The following IREB2 variants were observed in gnomAD, a reference collection of about 807,000 sequenced individuals.
IREB2 encodes iron responsive element binding protein 2.
A neutral mutation model predicts 118.8 loss-of-function variants in IREB2; 39 were observed. The ratio of observed to expected loss-of-function variants is 0.33; its 90% CI spans 0.25 to 0.43. The LOEUF (loss-of-function observed/expected upper bound fraction) is 0.43. Ranked by LOEUF, IREB2 falls within the 20% of genes least tolerant of loss-of-function variation. The pLI, the probability that IREB2 is intolerant of heterozygous loss-of-function variation, is 1.00. For missense variants in IREB2, 900 were observed against 1,147.3 expected (o/e 0.78, Z 3.11); for synonymous variants, 372 against 392.2 (o/e 0.95, Z 0.61).
intron 2 of IREB2, among the ~76,000 whole-genome samples, chr15:78,456,144 A>G: frequency 6.6e-6 from 1 of 152,184 alleles, no homozygotes. Context: ...TGATTTCAAT[A>G]CAGATTATAT....
intron 1 of IREB2, among the ~76,000 whole-genome samples, chr15:78,439,466 T>A (rs924840): frequency 0.78 from 118,590 of 152,128 alleles, 46,534 homozygotes; most frequent in African/African-American, 0.85. Flanking sequence ...GGTATTCTTA[T>A]CACATTTCAG....
At position 78,441,992 on chromosome 15, in the gene IREB2, T is replaced by G. The variant is rs1171984786; in HGVS notation, c.106+2111T>G. 2.6e-5 allele frequency among the ~76,000 whole-genome samples: 4 copies of G among 152,122 alleles called. No individual in the cohort carries two copies. The East Asian group carries it at 7.7e-4, about 29-fold the overall frequency. On this transcript the variant is annotated intron_variant, in intron 2 of 21. Transcript: ENST00000258886. ...TGTGATCTCAGCTCACTGCTGCCTC[T>G]GCCTCCTGAGTTCAAGCGATTCTCG...
At chr15:78,497,050 A>G in intron 20 of IREB2, 76 bp from the exon 21 acceptor site, 1 of 1,101,290 alleles carries the variant, frequency 9.1e-7, no homozygotes, top group Admixed American at 2.2e-5. Context: ...GCCAAAGTAG[A>G]TTTTTGCCCC....
chr15:78,439,110 A>T (rs2050805070), intron 1 of IREB2, among the ~76,000 whole-genome samples: 2 of 152,080 alleles, frequency 1.3e-5, no homozygotes, highest in African/African-American at 4.8e-5. Context: ...GAATGTTGGG[A>T]GCTGAGGCAC....
chr15:78,438,760 C>G (rs116845104), intron 1 of IREB2: 2 of 283,400 alleles, frequency 7.1e-6, no homozygotes, highest in African/African-American at 2.3e-5. Flanking sequence ...GTTCGGGTCT[C>G]ACGCAGCTAG....
At chr15:78,449,654 A>AG (rs2050990303) in intron 2 of IREB2, among the ~76,000 whole-genome samples, 1 of 152,220 alleles carries the variant, frequency 6.6e-6, no homozygotes. Flanking sequence ...GACATGAAAC[A>AG]GAGTTTGTGA....
At chr15:78,464,335 T>C (rs1467728514) in intron 3 of IREB2, among the ~76,000 whole-genome samples, 1 of 152,228 alleles carries the variant, frequency 6.6e-6, no homozygotes, top group Non-Finnish European at 1.5e-5. Context: ...TTGGAAGAGT[T>C]AACCTTGAGC....
rs758235467 is a variant in IREB2, at chr15:78,463,057, T to G, written c.242T>G (p.Phe81Cys). 37 of 1,608,700 alleles carry G rather than the reference T, an allele frequency of 2.3e-5. No homozygotes were observed. Among genetic ancestry groups the G allele is most frequent in the Non-Finnish European group, 2.8e-5 (33 of 1,178,558 alleles). ...CAAAGCAATGTTGAAGTGCCCTTTT[T>G]CCCTGCCCGTGTTCTTCTTCAAGAT... The part of the protein sequence containing the change: ...TKQSNVEVPF[F>C]PARVLLQDFT... Residue 81 changes from phenylalanine to cysteine, a missense_variant, in exon 3 of 22, where the codon TTC (phenylalanine) becomes TGC (cysteine). By Grantham distance (205) the Phe-to-Cys change is radical (BLOSUM62 -2). Coordinates refer to ENST00000258886, the MANE Select transcript of IREB2 (RefSeq NM_004136.4).
At chr15:78,444,571 T>C (rs1013451772) in intron 2 of IREB2, among the ~76,000 whole-genome samples, 14 of 152,134 alleles carry the variant, frequency 9.2e-5, no homozygotes, top group Admixed American at 1.3e-4. Context: ...GTCCAAATCC[T>C]ACCTTGCAGC....
intron 2 of IREB2, among the ~76,000 whole-genome samples, chr15:78,445,525 A>AG (rs1303601198): frequency 6.6e-6 from 1 of 152,242 alleles, no homozygotes; most frequent in Non-Finnish European, 1.5e-5. Context: ...CCAAAGACAA[A>AG]GGAAGAAAGC....
intron 10 of IREB2, chr15:78,481,723 A>C (rs1446870308): frequency 6.6e-6 from 1 of 150,450 alleles, no homozygotes; most frequent in Non-Finnish European, 1.5e-5. Context: ...ATGGTCTCAA[A>C]CTCTTGACCT....
intron 5 of IREB2, among the ~76,000 whole-genome samples, chr15:78,466,936 G>C (rs1365080068): frequency 6.6e-6 from 1 of 151,956 alleles, no homozygotes; most frequent in Non-Finnish European, 1.5e-5. Flanking sequence ...CTCTATGTTG[G>C]CTGGGCGTAG....
chr15:78,489,170 C>T (rs1186861759), intron 16 of IREB2, among the ~76,000 whole-genome samples: 1 of 151,328 alleles, frequency 6.6e-6, no homozygotes, highest in Non-Finnish European at 1.5e-5. Context: ...TGCGGTGATC[C>T]GAGATCGCGC....
At chr15:78,480,773 G>C (rs1221344172) in intron 10 of IREB2, among the ~76,000 whole-genome samples, 1 of 151,768 alleles carries the variant, frequency 6.6e-6, no homozygotes. Flanking sequence ...ACTTTGGGAG[G>C]CCGAAACAGG....
intron 2 of IREB2, among the ~76,000 whole-genome samples, chr15:78,458,871 C>CA (rs1299134130): frequency 3.9e-5 from 6 of 152,140 alleles, no homozygotes; most frequent in African/African-American, 1.4e-4. Flanking sequence ...AGTGCAGTGG[C>CA]AAGATCAGCC....
chr15:78,440,714 A>G (rs1026893286), intron 2 of IREB2, among the ~76,000 whole-genome samples: 10 of 152,092 alleles, frequency 6.6e-5, no homozygotes, highest in African/African-American at 2.2e-4. Context: ...TCTTTTTGCC[A>G]TCTGTTGAAT....
rs2051700316 is a variant in IREB2, at chr15:78,488,673, T to C, written c.1978T>C (p.Tyr660His). The change falls in exon 16 of 22, where the codon TAC becomes CAC. Residue 660 changes from tyrosine to histidine, a missense_variant. By Grantham distance (83) the Tyr-to-His change is moderately conservative (BLOSUM62 2). Transcript: ENST00000258886. ...LGTDPTGKNI[Y>H]LHDIWPSREE... is the part of the protein sequence containing the mutation. ...TACTGACCCCACCGGCAAGAACATTTACCTGCATGATATTTGGCCTAGTCG... is the reference window on the plus strand; with the variant it reads ...TACTGACCCCACCGGCAAGAACATTCACCTGCATGATATTTGGCCTAGTCG... 1.2e-6 allele frequency: 2 copies of C among 1,612,682 alleles called. No individual in the cohort carries two copies. The highest frequency in any genetic ancestry group is 1.1e-5 in the South Asian group (1 of 90,818).
chr15:78,488,920 A>G, intron 16 of IREB2, 149 bp downstream of exon 16: 1 of 534,154 alleles, frequency 1.9e-6, no homozygotes, highest in Non-Finnish European at 3.1e-6. Context: ...TGGAATCTGT[A>G]GTTAAAAAGA....
chr15:78,438,380 G>C (rs749117384), intron 1 of IREB2, 24 bp downstream of exon 1: 1 of 1,594,042 alleles, frequency 6.3e-7, no homozygotes, highest in Non-Finnish European at 8.5e-7. Flanking sequence ...CTCCGAGCTG[G>C]GTCTGGCAGT....
Sources: gnomAD v4.1 joint callset for allele counts (sites outside exome capture counted in the v4.1 genomes callset) on GRCh38, gnomAD v4.1.1 for gene constraint, MANE v1.5 for transcripts, NCBI Gene and HGNC (gene_info 2026-07-23, HGNC 2026-07-21) for gene names.